The following MYO1H variants were observed in gnomAD, a reference collection of about 807,000 sequenced individuals.
The protein encoded by MYO1H is myosin IH, also known as unconventional myosin-Ih.
A neutral mutation model predicts 149.3 loss-of-function variants in MYO1H; 118 were observed. That is an observed-to-expected ratio of 0.79 (90% CI 0.68 to 0.92). MYO1H has a LOEUF of 0.92. MYO1H is among the 40% of genes least tolerant of loss of function. The pLI, the probability that MYO1H is intolerant of heterozygous loss-of-function variation, is 0.00. For synonymous variants in MYO1H, 447 were observed against 465.2 expected, an observed-to-expected ratio of 0.96 and a Z score of 0.50; for missense variants, 1,212 against 1,280.7, an observed-to-expected ratio of 0.95 and a Z score of 0.82.
intron 1 of MYO1H, among the ~76,000 whole-genome samples, chr12:109,384,642 C>G (rs1201621724): frequency 6.6e-6 from 1 of 152,180 alleles, no homozygotes; most frequent in African/African-American, 2.4e-5. Context: ...AAACAAAACT[C>G]TAGTCTGAAG....
At chr12:109,404,412 A>G (rs1218493128) in intron 7 of MYO1H, among the ~76,000 whole-genome samples, 3 of 152,160 alleles carry the variant, frequency 2.0e-5, no homozygotes, top group Non-Finnish European at 4.4e-5. Flanking sequence ...AATCCGGGAG[A>G]TGGAGGTTGC....
intron 16 of MYO1H, among the ~76,000 whole-genome samples, chr12:109,423,665 A>G (rs756675244): frequency 1.3e-5 from 2 of 152,170 alleles, no homozygotes; most frequent in African/African-American, 2.4e-5. Flanking sequence ...TAGGGACCTT[A>G]TATGAGTGGA....
chr12:109,315,163 A>G, the MYO1H span, among the ~76,000 whole-genome samples: 1 of 152,114 alleles, frequency 6.6e-6, no homozygotes, highest in Non-Finnish European at 1.5e-5. Flanking sequence ...TACCTCACCC[A>G]ATTTAAGATC....
chr12:109,329,860 C>T, the MYO1H span, among the ~76,000 whole-genome samples: 1 of 152,222 alleles, frequency 6.6e-6, no homozygotes, highest in Admixed American at 6.5e-5. Context: ...GCATTTGTTC[C>T]TAGAATTCCA....
At chr12:109,399,782 G>C (rs941822027) in intron 5 of MYO1H, among the ~76,000 whole-genome samples, 6 of 151,994 alleles carry the variant, frequency 3.9e-5, no homozygotes, top group African/African-American at 9.7e-5. Context: ...AGGCGCAGTG[G>C]TGCATGCCTA....
intron 1 of MYO1H, among the ~76,000 whole-genome samples, chr12:109,370,023 C>T (rs969753374): frequency 2.0e-5 from 3 of 152,174 alleles, no homozygotes; most frequent in Non-Finnish European, 4.4e-5. Flanking sequence ...GAGACTTGTT[C>T]ACTGTCATGA....
chr12:109,333,149 G>A, the MYO1H span, among the ~76,000 whole-genome samples: 1 of 152,014 alleles, frequency 6.6e-6, no homozygotes, highest in South Asian at 2.1e-4. Flanking sequence ...GTGAAACCCC[G>A]TTTCTTTTAA....
intron 8 of MYO1H, among the ~76,000 whole-genome samples, chr12:109,406,467 TAAA>T (rs56744077): frequency 0.08 from 3,434 of 42,782 alleles, 59 homozygotes; most frequent in Admixed American, 0.094. Context: ...CCCTATCTCT[TAAA>T]AAAAAAAAAA....
At position 109,376,403 on chromosome 12, in the gene MYO1H, T is replaced by C. The variant is rs371831022; in HGVS notation, c.13-12280T>C. 9.8e-5 allele frequency among the ~76,000 whole-genome samples: 15 copies of C among 152,346 alleles called. No homozygotes were observed. The East Asian group carries it at 1.7e-3, about 18-fold the overall frequency. ...GCATGATGTTTTCAAGGTTCATCCA[T>C]GTTGTAACATGTATCAGTACTCCTT... On this transcript the variant is annotated intron_variant, in intron 1 of 31. Coordinates refer to ENST00000310903, the Ensembl canonical transcript of MYO1H.
intron 27 of MYO1H, 120 bp downstream of exon 27, chr12:109,442,392 G>C: frequency 2.7e-6 from 2 of 754,118 alleles, no homozygotes; most frequent in South Asian, 1.6e-5. Flanking sequence ...GGCAGCTGGG[G>C]CTCTCAACTG....
At chr12:109,370,781 T>C (rs1206913900) in intron 1 of MYO1H, among the ~76,000 whole-genome samples, 3 of 152,200 alleles carry the variant, frequency 2.0e-5, no homozygotes, top group Non-Finnish European at 4.4e-5. Context: ...ATTTATTCAC[T>C]CATTTGACAA....
At chr12:109,363,903 A>T (rs1320824892) in intron 1 of MYO1H, among the ~76,000 whole-genome samples, 1 of 151,520 alleles carries the variant, frequency 6.6e-6, no homozygotes, top group African/African-American at 2.4e-5. Context: ...ACAGACAGAC[A>T]TCAGAAGTGG....
intron 1 of MYO1H, among the ~76,000 whole-genome samples, chr12:109,362,103 T>G (rs1868768090): frequency 6.6e-6 from 1 of 152,250 alleles, no homozygotes; most frequent in Non-Finnish European, 1.5e-5. Flanking sequence ...CAATATCATT[T>G]ATTGCTCAGC....
chr12:109,442,612 G>C (rs980847760), intron 27 of MYO1H, among the ~76,000 whole-genome samples: 1 of 152,138 alleles, frequency 6.6e-6, no homozygotes, highest in East Asian at 1.9e-4. Flanking sequence ...CACTTGCTTT[G>C]AACGTAGCAG....
At chr12:109,368,998 T>G (rs1418306691) in intron 1 of MYO1H, among the ~76,000 whole-genome samples, 1 of 152,106 alleles carries the variant, frequency 6.6e-6, no homozygotes, top group Non-Finnish European at 1.5e-5. Flanking sequence ...TTCTTTCTTT[T>G]TTTTTTGAGA....
chr12:109,346,601 A>G (rs1353765861), upstream of MYO1H, among the ~76,000 whole-genome samples: 1 of 152,000 alleles, frequency 6.6e-6, no homozygotes, highest in Non-Finnish European at 1.5e-5. Context: ...TCTCTACTAA[A>G]AATACAAAAG....
the MYO1H span, among the ~76,000 whole-genome samples, chr12:109,334,260 C>G: frequency 2.0e-5 from 3 of 152,180 alleles, no homozygotes; most frequent in African/African-American, 7.2e-5. Flanking sequence ...CTCAGGTGAT[C>G]TCCCTGCCCC....
the MYO1H span, among the ~76,000 whole-genome samples, chr12:109,336,659 A>T: frequency 3.1e-4 from 47 of 152,324 alleles, no homozygotes; most frequent in Admixed American, 9.1e-4. Context: ...TCCAGAATGA[A>T]CTGTTGTCAG....
chr12:109,426,398 T>A (rs1871354898), intron 18 of MYO1H, among the ~76,000 whole-genome samples: 1 of 152,134 alleles, frequency 6.6e-6, no homozygotes, highest in Non-Finnish European at 1.5e-5. Flanking sequence ...TGGTGGAACA[T>A]GTCTGTAGTC....
Sources: allele counts gnomAD v4.1 joint callset (sites outside exome capture counted in the v4.1 genomes callset), GRCh38; gene constraint gnomAD v4.1.1; transcripts MANE v1.5; gene names NCBI Gene and HGNC (gene_info 2026-07-23, HGNC 2026-07-21).